The following CFAP299 variants were observed in gnomAD, a reference collection of about 807,000 sequenced individuals.
The protein encoded by CFAP299 is cilia and flagella associated protein 299.
CFAP299 carries 21 observed loss-of-function variants against 27.0 expected under a neutral mutation model. The observed-to-expected ratio is 0.78, with a 90% CI of 0.55 to 1.12. CFAP299 has a LOEUF of 1.12. CFAP299 is among the 50% of genes most tolerant of loss of function. CFAP299 has a pLI of 0.00. For missense variants in CFAP299, 310 were observed against 276.6 expected (o/e 1.12, Z -0.86); for synonymous variants, 104 against 98.1 (o/e 1.06, Z -0.36).
chr4:80,443,619 A>G (rs1271791648), intron 2 of CFAP299, among the ~76,000 whole-genome samples: 1 of 152,204 alleles, frequency 6.6e-6, no homozygotes, highest in Non-Finnish European at 1.5e-5. Context: ...GAAAACCGGC[A>G]CAAGACAAGG....
intron 3 of CFAP299, among the ~76,000 whole-genome samples, chr4:80,786,321 C>T (rs564994367): frequency 7.9e-5 from 12 of 152,074 alleles, no homozygotes; most frequent in Middle Eastern, 6.8e-3. Context: ...ACACAGCTGA[C>T]CAAATTACTT....
chr4:80,903,120 T>G (rs1383561385), intron 4 of CFAP299, among the ~76,000 whole-genome samples: 1 of 152,136 alleles, frequency 6.6e-6, no homozygotes, highest in East Asian at 1.9e-4. Context: ...CTTTCCTACC[T>G]TTTTGGATAG....
At chr4:80,440,122 C>G (rs896304760) in intron 2 of CFAP299, among the ~76,000 whole-genome samples, 1 of 152,172 alleles carries the variant, frequency 6.6e-6, no homozygotes, top group Non-Finnish European at 1.5e-5. Flanking sequence ...GCTGTGGGCA[C>G]AGCTTCAGCA....
chr4:80,805,499 C>T (rs899232081), intron 3 of CFAP299, among the ~76,000 whole-genome samples: 20 of 152,024 alleles, frequency 1.3e-4, no homozygotes, highest in African/African-American at 4.8e-4. Flanking sequence ...TTAACTTGAA[C>T]ACCTACTCAG....
chr4:80,390,720 C>CATATATGTATATATGTATAGATGT (rs1208322596), intron 2 of CFAP299, among the ~76,000 whole-genome samples: 1 of 138,164 alleles, frequency 7.2e-6, no homozygotes, highest in Non-Finnish European at 1.5e-5. Flanking sequence ...TGTATACACA[C>CATATATGTATATATGTATAGATGT]ATACATGTAT....
intron 4 of CFAP299, among the ~76,000 whole-genome samples, chr4:80,911,440 T>A (rs1735468267): frequency 6.6e-6 from 1 of 152,126 alleles, no homozygotes; most frequent in East Asian, 1.9e-4. Context: ...AGCATCAAAA[T>A]CTTTTCTGCC....
At chr4:80,895,189 C>CACACACACACAT (rs1553904082) in intron 4 of CFAP299, among the ~76,000 whole-genome samples, 2 of 151,594 alleles carry the variant, frequency 1.3e-5, no homozygotes, top group East Asian at 1.9e-4. Flanking sequence ...CACACACACA[C>CACACACACACAT]ACACACACAC....
intron 2 of CFAP299, chr4:80,386,765 C>G: frequency 1.4e-6 from 2 of 1,397,094 alleles, no homozygotes; most frequent in Non-Finnish European, 2.0e-6. Context: ...CTTGTCCGGC[C>G]GGTTGAACAA....
In CFAP299 at chr4:80,378,838, CTTAA is replaced by C. The variant is rs563294962; in HGVS notation, c.242+15959_242+15962del. ...ATTTTGTTGAGAATTTTTACATCCA[CTTAA>C]TTAAGTAATTAATTAATTTTGATAT... On this transcript the variant is annotated intron_variant, in intron 2 of 5. Coordinates refer to ENST00000358105, the MANE Select transcript of CFAP299 (RefSeq NM_152770.3). Among the ~76,000 whole-genome samples the C allele has an allele frequency of 1.8e-3, 271 of 152,108 alleles. 4 individuals are homozygous for C. In the South Asian group the frequency reaches 0.023, roughly 13 times the overall value.
At chr4:80,647,343 A>G (rs1364922541) in intron 3 of CFAP299, among the ~76,000 whole-genome samples, 2 of 152,164 alleles carry the variant, frequency 1.3e-5, no homozygotes, top group Admixed American at 6.5e-5. Flanking sequence ...TGCTCTTGCC[A>G]TTGTAGTCAT....
At chr4:80,661,527 A>G (rs1032142647) in intron 3 of CFAP299, among the ~76,000 whole-genome samples, 2 of 152,134 alleles carry the variant, frequency 1.3e-5, no homozygotes, top group African/African-American at 4.8e-5. Context: ...GACAATTATC[A>G]CTTCCCCAGT....
At chr4:80,688,474 C>G (rs147070683) in intron 3 of CFAP299, among the ~76,000 whole-genome samples, 15,831 of 152,148 alleles carry the variant, frequency 0.1, 1,175 homozygotes, top group East Asian at 0.23. Flanking sequence ...CAGACCTGCA[C>G]CTGAGGGTCC....
chr4:80,789,644 G>A (rs549918141), intron 3 of CFAP299, among the ~76,000 whole-genome samples: 18 of 151,904 alleles, frequency 1.2e-4, no homozygotes, highest in South Asian at 6.2e-4. Context: ...TTTATTCTTC[G>A]CATGGCTTAT....
chr4:80,864,455 TAA>T (rs1732576728), intron 3 of CFAP299, among the ~76,000 whole-genome samples: 4 of 145,268 alleles, frequency 2.8e-5, no homozygotes, highest in South Asian at 2.1e-4. Context: ...TATACCTATA[TAA>T]GTATATATAT....
At chr4:80,444,964 C>A (rs1310512648) in intron 2 of CFAP299, among the ~76,000 whole-genome samples, 1 of 152,118 alleles carries the variant, frequency 6.6e-6, no homozygotes, top group Non-Finnish European at 1.5e-5. Flanking sequence ...AAATCGAAAC[C>A]ACAATGAGAT....
chr4:80,713,756 C>T (rs746801263), intron 3 of CFAP299, among the ~76,000 whole-genome samples: 1 of 152,156 alleles, frequency 6.6e-6, no homozygotes, highest in South Asian at 2.1e-4. Flanking sequence ...GCTATGCAAC[C>T]AAGCTTATTT....
intron 5 of CFAP299, among the ~76,000 whole-genome samples, chr4:80,960,112 T>TA (rs397971653): frequency 0.023 from 3,190 of 139,142 alleles, 107 homozygotes; most frequent in African/African-American, 0.074. Context: ...CATAGGAAGT[T>TA]AAAAAAAAAA....
chr4:80,364,684 C>T (rs1723731038), intron 2 of CFAP299, among the ~76,000 whole-genome samples: 1 of 152,196 alleles, frequency 6.6e-6, no homozygotes, highest in African/African-American at 2.4e-5. Context: ...GTTTGTTGCA[C>T]AGGTCATCCC....
chr4:80,354,916 G>C (rs1410086928), intron 1 of CFAP299, among the ~76,000 whole-genome samples: 1 of 151,994 alleles, frequency 6.6e-6, no homozygotes, highest in Non-Finnish European at 1.5e-5. Flanking sequence ...TTATCCAGTT[G>C]GTAATTAATG....
Sources: gnomAD v4.1 joint callset for allele counts (sites outside exome capture counted in the v4.1 genomes callset) on GRCh38, gnomAD v4.1.1 for gene constraint, MANE v1.5 for transcripts, NCBI Gene and HGNC (gene_info 2026-07-23, HGNC 2026-07-21) for gene names.